The following DROSHA variants were observed in gnomAD, a reference collection of about 807,000 sequenced individuals.
The protein encoded by DROSHA is ribonuclease 3.
In DROSHA, 56 loss-of-function variants were observed where a neutral mutation model predicts 181.9. The ratio of observed to expected loss-of-function variants is 0.31; its 90% confidence interval spans 0.25 to 0.38. The LOEUF is 0.38. Ranked by LOEUF, DROSHA falls within the 10% of genes least tolerant of loss-of-function variation. The pLI is 1.00. For synonymous variants in DROSHA, 524 were observed against 591.2 expected, an observed-to-expected ratio of 0.89 and a Z score of 1.65; for missense variants, 1,218 against 1,743.5, an observed-to-expected ratio of 0.70 and a Z score of 5.37.
At chr5:31,495,913 T>A (rs1173944942) in intron 11 of DROSHA, among the ~76,000 whole-genome samples, 1 of 152,168 alleles carries the variant, frequency 6.6e-6, no homozygotes, top group African/African-American at 2.4e-5. Flanking sequence ...GGTCTTGTCC[T>A]GTGGGTGATG....
At chr5:31,525,536 T>TTTTTTG (rs1740441362) in intron 5 of DROSHA, among the ~76,000 whole-genome samples, 1 of 150,704 alleles carries the variant, frequency 6.6e-6, no homozygotes, top group African/African-American at 2.4e-5. Context: ...AAAGATATTT[T>TTTTTTG]GAAAACTAAC....
Position 31,421,002 on chromosome 5 carries a change from C to T in DROSHA, c.3525+270G>A, listed in dbSNP as rs190973323. Among the ~76,000 whole-genome samples the T allele has an allele frequency of 2.5e-3, 378 of 152,272 alleles. 3 individuals are homozygous for T. Among genetic ancestry groups the T allele is most frequent in the South Asian group, 0.023 (109 of 4,826 alleles). ...TAATAATTTTTAAGCTCCTTGTAAA[C>T]AGACTTGGTGTCAACTTATCTTTGT... On this transcript the variant is annotated intron_variant, in intron 30 of 35. Transcript: ENST00000344624.
intron 20 of DROSHA, among the ~76,000 whole-genome samples, chr5:31,461,705 C>A (rs988921377): frequency 1.3e-5 from 2 of 150,770 alleles, no homozygotes; most frequent in African/African-American, 4.9e-5. Context: ...AAGTCAACTA[C>A]ACTAGTTTAC....
chr5:31,457,185 G>A (rs4867067), intron 20 of DROSHA, among the ~76,000 whole-genome samples: 3,064 of 140,296 alleles, frequency 0.022, 171 homozygotes, highest in East Asian at 0.22. Context: ...GTTCAGTGGC[G>A]TGATCTCGGC....
At chr5:31,444,111 C>T (rs1248263333) in intron 23 of DROSHA, among the ~76,000 whole-genome samples, 4 of 152,194 alleles carry the variant, frequency 2.6e-5, no homozygotes, top group South Asian at 2.1e-4. Context: ...TTTACAATGA[C>T]GATCAGCACA....
intron 19 of DROSHA, among the ~76,000 whole-genome samples, chr5:31,465,717 G>A (rs941860827): frequency 2.1e-5 from 3 of 146,052 alleles, no homozygotes; most frequent in Non-Finnish European, 3.1e-5. Flanking sequence ...CCACAGTAAT[G>A]AGTTCATGTG....
At chr5:31,425,027 T>G (rs1743304823) in intron 27 of DROSHA, among the ~76,000 whole-genome samples, 1 of 152,180 alleles carries the variant, frequency 6.6e-6, no homozygotes, top group Non-Finnish European at 1.5e-5. Flanking sequence ...TGGAAACCCC[T>G]AGTATATTAC....
chr5:31,478,500 G>A (rs115909268), intron 16 of DROSHA, among the ~76,000 whole-genome samples: 1,979 of 152,296 alleles, frequency 0.013, 15 homozygotes, highest in Middle Eastern at 0.027. Flanking sequence ...ACTTTAGGAG[G>A]CTGAGGCGGG....
Position 31,453,235 on chromosome 5 carries a change from AC to A in DROSHA, c.2575-1596del, listed in dbSNP as rs1459938845. Among the ~76,000 whole-genome samples, 3 of 152,162 alleles carry A rather than the reference AC, an allele frequency of 2.0e-5. No homozygotes were observed. In the East Asian group the frequency reaches 5.8e-4, roughly 29 times the overall value. ...TTTTGAGACAGGGTCTCACTCTGTCACCCAGGCTAGAGTGCAGTGACACAAT... is the reference window on the plus strand; with the variant it reads ...TTTTGAGACAGGGTCTCACTCTGTCACCAGGCTAGAGTGCAGTGACACAAT... On this transcript the variant is annotated intron_variant, in intron 20 of 35. Transcript: ENST00000344624.
intron 28 of DROSHA, chr5:31,423,151 T>C: frequency 2.0e-6 from 1 of 491,914 alleles, no homozygotes; most frequent in Non-Finnish European, 3.4e-6. Context: ...TATTTTCCAA[T>C]CTTCTATCAA....
At chr5:31,504,699 G>A (rs1737694616) in intron 10 of DROSHA, 64 bp from the exon 11 acceptor site, 1 of 1,560,656 alleles carries the variant, frequency 6.4e-7, no homozygotes, top group Admixed American at 1.7e-5. Context: ...GCACGGTGAT[G>A]CCTCCGAAAA....
intron 14 of DROSHA, among the ~76,000 whole-genome samples, chr5:31,485,482 CAG>C (rs986112823): frequency 2.0e-5 from 3 of 151,994 alleles, no homozygotes; most frequent in Non-Finnish European, 2.9e-5. Flanking sequence ...ACAAGCTAAA[CAG>C]ATATATTTGC....
chr5:31,419,539 T>G (rs1440963537), intron 30 of DROSHA, among the ~76,000 whole-genome samples: 4 of 150,720 alleles, frequency 2.7e-5, no homozygotes, highest in African/African-American at 7.3e-5. Flanking sequence ...TTTCTGAGTT[T>G]TGGTTTCCGT....
At chr5:31,452,904 C>G (rs929309100) in intron 20 of DROSHA, among the ~76,000 whole-genome samples, 2 of 152,154 alleles carry the variant, frequency 1.3e-5, no homozygotes, top group Non-Finnish European at 2.9e-5. Flanking sequence ...GCACTTTATC[C>G]ACTTTGCTTT....
At chr5:31,521,384 C>A (rs547760670) in intron 5 of DROSHA, among the ~76,000 whole-genome samples, 169 bp from the exon 6 acceptor site, 3 of 152,160 alleles carry the variant, frequency 2.0e-5, no homozygotes, top group Non-Finnish European at 2.9e-5. Flanking sequence ...GATAAAGGAG[C>A]TTTTCACTTT....
At chr5:31,402,744 G>T (rs2149981893) in intron 35 of DROSHA, among the ~76,000 whole-genome samples, 1 of 152,314 alleles carries the variant, frequency 6.6e-6, no homozygotes, top group Admixed American at 6.5e-5. Context: ...TGAAAGACAG[G>T]TGGGGAATCA....
At chr5:31,509,574 A>C in intron 9 of DROSHA, among the ~76,000 whole-genome samples, 1 of 152,220 alleles carries the variant, frequency 6.6e-6, no homozygotes, top group Non-Finnish European at 1.5e-5. Flanking sequence ...AGCTAAGAAC[A>C]CAGTGGACTA....
At position 31,466,246 on chromosome 5, in the gene DROSHA, C is replaced by T. The variant is rs1748995565; in HGVS notation, c.2402G>A (p.Arg801His). Residue 801 changes from arginine (R) to histidine (H), a missense_variant, in exon 19 of 36, where the codon CGC becomes CAC. This residue lies in a region of DROSHA where 460 missense variants were observed against 774.2 expected (regional missense o/e 0.59). Coordinates refer to ENST00000344624, the MANE Select transcript of DROSHA (RefSeq NM_001382508.1). ...QKLWKSYVKL[R>H]HLLANSPKVK... ...TTTGGGACTATTTGCTAGGAGGTGG[C>T]GAAGTTTCACATAACTCTTCCACAG... 3.1e-6 allele frequency: 5 copies of T among 1,613,302 alleles called. No individual in the cohort carries two copies. The highest frequency in any genetic ancestry group is 2.2e-5 in the East Asian group (1 of 44,838).
chr5:31,410,628 A>T (rs947132031), intron 31 of DROSHA, 118 bp downstream of exon 31: 2 of 1,406,550 alleles, frequency 1.4e-6, no homozygotes, highest in African/African-American at 2.9e-5. Flanking sequence ...TAAAAAATTA[A>T]AATAGCAAAC....
Sources: gnomAD v4.1 joint callset for allele counts (sites outside exome capture counted in the v4.1 genomes callset) on GRCh38, gnomAD v4.1.1 for gene constraint, gnomAD v4.1.1 regional missense constraint, MANE v1.5 for transcripts, NCBI Gene and HGNC (gene_info 2026-07-23, HGNC 2026-07-21) for gene names.